The following NRAP variants were observed in gnomAD, a reference collection of about 807,000 sequenced individuals.
The protein encoded by NRAP is nebulin-related-anchoring protein.
Under a neutral mutation model 225.9 loss-of-function variants are expected in NRAP, and 189 were observed. The observed-to-expected ratio is 0.84, with a 90% CI of 0.74 to 0.94. The LOEUF is 0.94. NRAP is among the 40% of genes least tolerant of loss of function. NRAP has a pLI of 0.00. For missense variants in NRAP, 2,176 were observed against 2,168.7 expected, an observed-to-expected ratio of 1.00 and a Z score of -0.07; for synonymous variants, 769 against 790.7, an observed-to-expected ratio of 0.97 and a Z score of 0.46.
intron 14 of NRAP, among the ~76,000 whole-genome samples, chr10:113,635,521 G>C (rs1233423613): frequency 6.6e-6 from 1 of 152,224 alleles, no homozygotes; most frequent in South Asian, 2.1e-4. Context: ...TCCTCCTCCT[G>C]GGTTCAGGTG....
At chr10:113,612,062 G>A (rs112610847) in intron 30 of NRAP, among the ~76,000 whole-genome samples, 172 bp downstream of exon 30, 269 of 152,336 alleles carry the variant, frequency 1.8e-3, no homozygotes, top group African/African-American at 6.1e-3. Context: ...TTAGATTTGT[G>A]TAACTGTGCT....
At chr10:113,642,908 AC>A (rs1849289156) in intron 12 of NRAP, 25 bp downstream of exon 12, 1 of 1,253,528 alleles carries the variant, frequency 8.0e-7, no homozygotes. Flanking sequence ...CAGTGCCCAA[AC>A]AAAAGCTTAG....
chr10:113,638,839 A>G (rs1849028713), intron 14 of NRAP, among the ~76,000 whole-genome samples: 1 of 151,916 alleles, frequency 6.6e-6, no homozygotes, highest in Non-Finnish European at 1.5e-5. Flanking sequence ...CCACCTCTAA[A>G]CTCAATTAAT....
At chr10:113,661,025 TTAAG>T in intron 3 of NRAP, among the ~76,000 whole-genome samples, 1 of 152,150 alleles carries the variant, frequency 6.6e-6, no homozygotes, top group Non-Finnish European at 1.5e-5. Flanking sequence ...AGTACTCTGT[TTAAG>T]TAAGAGCTAG....
intron 8 of NRAP, 102 bp downstream of exon 8, chr10:113,650,336 G>T: frequency 1.1e-6 from 1 of 904,600 alleles, no homozygotes; most frequent in Non-Finnish European, 1.8e-6. Context: ...CTACTCCCTG[G>T]CTTCAGGGTA....
intron 10 of NRAP, 86 bp from the exon 11 acceptor site, chr10:113,646,027 T>G: frequency 1.4e-6 from 1 of 691,190 alleles, no homozygotes; most frequent in South Asian, 2.1e-5. Context: ...CTGGGCTTAA[T>G]GTCAACATTT....
At chr10:113,630,139 T>C (rs544483469) in intron 18 of NRAP, among the ~76,000 whole-genome samples, 2 of 152,354 alleles carry the variant, frequency 1.3e-5, no homozygotes, top group African/African-American at 4.8e-5. Flanking sequence ...AAACCTGATC[T>C]GCCCTCTAAC....
chr10:113,654,643 A>T (rs1850193741), intron 4 of NRAP, among the ~76,000 whole-genome samples: 1 of 152,210 alleles, frequency 6.6e-6, no homozygotes, highest in African/African-American at 2.4e-5. Context: ...TGTCTGAGTG[A>T]TAAGTACAAT....
chr10:113,652,010 T>C, intron 6 of NRAP, 103 bp from the exon 7 acceptor site: 1 of 736,030 alleles, frequency 1.4e-6, no homozygotes, highest in East Asian at 2.6e-5. Flanking sequence ...CTACACTCAA[T>C]GCAAACCTGT....
intron 18 of NRAP, 22 bp downstream of exon 18, chr10:113,631,487 T>TG: frequency 6.8e-7 from 1 of 1,462,614 alleles, no homozygotes; most frequent in Non-Finnish European, 9.5e-7. Context: ...AGTGAGAGGT[T>TG]GGGGGTTAGA....
At chr10:113,596,427 CTG>C (rs1846288735) in intron 37 of NRAP, among the ~76,000 whole-genome samples, 1 of 152,170 alleles carries the variant, frequency 6.6e-6, no homozygotes, top group African/African-American at 2.4e-5. Context: ...GTCGGGCTGT[CTG>C]TGAAATGGAG....
chr10:113,594,500 C>T (rs529460863), intron 38 of NRAP, among the ~76,000 whole-genome samples: 5 of 152,290 alleles, frequency 3.3e-5, no homozygotes, highest in South Asian at 2.1e-4. Context: ...GGTCTCCAAT[C>T]GTTCCTCAAA....
At chr10:113,603,891 C>T (rs907671084) in intron 35 of NRAP, among the ~76,000 whole-genome samples, 9 of 151,976 alleles carry the variant, frequency 5.9e-5, no homozygotes, top group African/African-American at 1.2e-4. Flanking sequence ...TGTACGTGCA[C>T]GCACACACAC....
At chr10:113,649,816 T>C (rs1327004104) in intron 9 of NRAP, among the ~76,000 whole-genome samples, 1 of 152,168 alleles carries the variant, frequency 6.6e-6, no homozygotes, top group African/African-American at 2.4e-5. Flanking sequence ...CATTTATTAA[T>C]TTAAAAAAAG....
intron 3 of NRAP, among the ~76,000 whole-genome samples, chr10:113,657,864 C>T (rs1850403720): frequency 6.6e-6 from 1 of 152,154 alleles, no homozygotes; most frequent in African/African-American, 2.4e-5. Flanking sequence ...TTAGAGTAAC[C>T]TCAGAAAACA....
chr10:113,629,574 A>G lies in NRAP; in HGVS notation c.2040+14T>C, dbSNP rs1564734485. ...AAGAGATGCATGAAGAGAACTGATAATGTGTGGGCTCACCTCGCTCTGGAG... is the reference window on the plus strand; with the variant it reads ...AAGAGATGCATGAAGAGAACTGATAGTGTGTGGGCTCACCTCGCTCTGGAG... On this transcript the variant is annotated intron_variant, in intron 19 of 41. Transcript: ENST00000359988. 1.3e-6 allele frequency: 2 copies of G among 1,570,994 alleles called. No homozygotes were observed. The highest frequency in any genetic ancestry group is 3.3e-5 in the Admixed American group (2 of 59,924).
intron 39 of NRAP, among the ~76,000 whole-genome samples, chr10:113,591,237 A>T (rs1012528369): frequency 1.3e-5 from 2 of 152,234 alleles, no homozygotes; most frequent in African/African-American, 4.8e-5. Flanking sequence ...CAACAGGAAG[A>T]TAAATGTGCC....
intron 14 of NRAP, among the ~76,000 whole-genome samples, chr10:113,635,480 T>A (rs557989886): frequency 3.3e-5 from 5 of 152,364 alleles, no homozygotes; most frequent in Non-Finnish European, 5.9e-5. Context: ...TAGGTGGGAA[T>A]GCAGTGGCAC....
intron 25 of NRAP, 39 bp downstream of exon 25, chr10:113,620,565 A>C: frequency 7.8e-7 from 1 of 1,277,082 alleles, no homozygotes; most frequent in African/African-American, 1.5e-5. Context: ...CGCACGCCTA[A>C]TGCAGCCAGG....
Sources: gnomAD v4.1 joint callset for allele counts (sites outside exome capture counted in the v4.1 genomes callset) on GRCh38, gnomAD v4.1.1 for gene constraint, MANE v1.5 for transcripts, NCBI Gene and HGNC (gene_info 2026-07-23, HGNC 2026-07-21) for gene names.